LRP5: variants seen among roughly 807,000 people sequenced by gnomAD.
The protein encoded by LRP5 is LDL receptor related protein 5.
In LRP5, 62 loss-of-function variants were observed where a neutral mutation model predicts 154.1. That is an observed-to-expected ratio of 0.40 (90% CI 0.33 to 0.50). The LOEUF is 0.50. LRP5 is among the 20% of genes least tolerant of loss of function. The pLI, the probability that LRP5 is intolerant of heterozygous loss-of-function variation, is 0.55. For synonymous variants in LRP5, 966 were observed against 1,011.5 expected, an observed-to-expected ratio of 0.96 and a Z score of 0.85; for missense variants, 1,915 against 2,336.7, an observed-to-expected ratio of 0.82 and a Z score of 3.72.
chr11:68,402,780 T>A (rs546622022), intron 7 of LRP5, among the ~76,000 whole-genome samples: 2 of 152,334 alleles, frequency 1.3e-5, no homozygotes, highest in African/African-American at 4.8e-5. Context: ...CACGCCCTGG[T>A]TCTCCAGGCA....
intron 7 of LRP5, among the ~76,000 whole-genome samples, chr11:68,398,999 G>A (rs768861179): frequency 3.9e-5 from 6 of 152,102 alleles, no homozygotes; most frequent in Admixed American, 6.6e-5. Flanking sequence ...TTACAGGCTC[G>A]AGCCACGGAG....
Position 68,352,465 on chromosome 11 carries a change from A to G in LRP5, c.488+4222A>G, listed in dbSNP as rs189220970. 6.7e-4 allele frequency among the ~76,000 whole-genome samples: 102 copies of G among 152,324 alleles called. 1 individual carries two copies. Among genetic ancestry groups the G allele is most frequent in the African/African-American group, 1.9e-3 (78 of 41,574 alleles). On this transcript the variant is annotated intron_variant, in intron 2 of 22. Coordinates refer to ENST00000294304, the MANE Select transcript of LRP5 (RefSeq NM_002335.4). ...CACCAGAAGTCCAGTCTCCATGCCT[A>G]CGTGGTTTTGTCTTTTTACTTCTTT...
Position 68,312,794 on chromosome 11 carries a change from C to A in LRP5, c.80C>A (p.Ala27Asp). The A allele has an allele frequency of 9.3e-7, 1 of 1,077,434 alleles. No individual in the cohort carries two copies. Among genetic ancestry groups the A allele is most frequent in the South Asian group, 2.9e-5 (1 of 34,632 alleles). 66.7% of individuals were successfully genotyped at this position (1,077,434 alleles called of 1,614,324 possible). The change falls in exon 1 of 23, where the codon GCC becomes GAC. Residue 27 changes from alanine (A) to aspartate (D), a missense_variant. Ala to Asp is a moderately radical substitution (Grantham distance 126, BLOSUM62 -2). Coordinates refer to ENST00000294304, the MANE Select transcript of LRP5 (RefSeq NM_002335.4). Reference sequence around the variant, plus strand: ...CTGCTGGCGCTGTGCGGCTGCCCGGCCCCCGCCGCGGGTAGGTGGGCGCAG... The same window carrying A: ...CTGCTGGCGCTGTGCGGCTGCCCGGACCCCGCCGCGGGTAGGTGGGCGCAG... Reference protein sequence around the residue: ...LLLLALCGCPAPAAASPLLLF... With the variant: ...LLLLALCGCPDPAAASPLLLF...
intron 1 of LRP5, among the ~76,000 whole-genome samples, chr11:68,334,322 G>A (rs2098604485): frequency 6.6e-6 from 1 of 152,200 alleles, no homozygotes; most frequent in Non-Finnish European, 1.5e-5. Flanking sequence ...GCATCCGGAA[G>A]CAAGGTGGGG....
rs773665226 is a variant in LRP5, at chr11:68,365,651, G to A, written c.964G>A (p.Ala322Thr). 6 of 1,597,610 alleles carry A rather than the reference G, an allele frequency of 3.8e-6. No homozygotes were observed. The highest frequency in any genetic ancestry group is 1.1e-5 in the South Asian group (1 of 90,862). ...CCCAAGCGAGCCTTTCTACACATGC[G>A]CCTGCCCCACGGGTGTGCAGCTGCA... ...LSPSEPFYTC[A>T]CPTGVQLQDN... The change falls in exon 5 of 23, where the codon GCC becomes ACC. Residue 322 changes from alanine (A) to threonine (T), a missense_variant. Coordinates refer to ENST00000294304, the MANE Select transcript of LRP5 (RefSeq NM_002335.4).
At chr11:68,407,773 G>C (rs1011129094) in intron 9 of LRP5, among the ~76,000 whole-genome samples, 5 of 152,078 alleles carry the variant, frequency 3.3e-5, no homozygotes, top group Non-Finnish European at 5.9e-5. Context: ...CTTGAACCTG[G>C]GAGGCGGAGG....
intron 3 of LRP5, among the ~76,000 whole-genome samples, chr11:68,363,020 C>T (rs1486192197): frequency 6.6e-6 from 1 of 152,244 alleles, no homozygotes; most frequent in Non-Finnish European, 1.5e-5. Context: ...CCCGAGTCCT[C>T]ATTTGCTGGG....
Position 68,357,828 on chromosome 11 carries a change from A to G in LRP5, c.667A>G (p.Asn223Asp). 6.2e-7 allele frequency: 1 copy of G among 1,613,206 alleles called. No homozygotes were observed. The highest frequency in any genetic ancestry group is 8.5e-7 in the Non-Finnish European group (1 of 1,179,648). Residue 223 changes from asparagine to aspartate, a missense_variant, in exon 3 of 23, where the codon AAC becomes GAC. Around this residue, in one of 3 missense-constraint regions of LRP5, gnomAD observed 773 missense variants for 1,100.9 expected, o/e 0.70. Transcript: ENST00000294304. ...DAKLSFIHRA[N>D]LDGSFRQKVV... The stretch of plus-strand genomic sequence containing the variant: ...CAAGCTCAGCTTCATCCACCGTGCC[A>G]ACCTGGACGGCTCGTTCCGGTAGGT...
At chr11:68,345,811 C>T (rs1427328175) in intron 1 of LRP5, among the ~76,000 whole-genome samples, 3 of 152,178 alleles carry the variant, frequency 2.0e-5, no homozygotes, top group Non-Finnish European at 4.4e-5. Context: ...TCCAGTTGCT[C>T]CAGATCCTCA....
chr11:68,376,182 T>C (rs2098637241), intron 5 of LRP5, among the ~76,000 whole-genome samples: 2 of 148,152 alleles, frequency 1.3e-5, no homozygotes, highest in African/African-American at 4.9e-5. Context: ...TTTTTTTTTT[T>C]TTTTTTTTTT....
At chr11:68,346,136 CGAT>C (rs2098612725) in intron 1 of LRP5, among the ~76,000 whole-genome samples, 1 of 152,166 alleles carries the variant, frequency 6.6e-6, no homozygotes, top group Admixed American at 6.5e-5. Flanking sequence ...TTTACTCTCT[CGAT>C]AGTGTCTTTT....
chr11:68,299,146 C>T, the LRP5 span, among the ~76,000 whole-genome samples: 2 of 152,234 alleles, frequency 1.3e-5, no homozygotes, highest in African/African-American at 4.8e-5. Flanking sequence ...ACCCCTGCCT[C>T]CCCTCGGAGC....
intron 7 of LRP5, among the ~76,000 whole-genome samples, chr11:68,399,816 C>T (rs865914574): frequency 1.3e-5 from 2 of 152,208 alleles, no homozygotes; most frequent in African/African-American, 4.8e-5. Flanking sequence ...TGGGTTGGGC[C>T]GGTCAAGATG....
chr11:68,312,622 G>C lies in LRP5; in HGVS notation c.-93G>C. On this transcript the variant is annotated 5_prime_UTR_variant, in exon 1 of 23. Coordinates refer to ENST00000294304, the MANE Select transcript of LRP5 (RefSeq NM_002335.4). The stretch of plus-strand genomic sequence containing the variant: ...CTGGTCCGCGGCGCCCGAGGGGGGA[G>C]GCGGAGGCGCCGGGAGCCGCGCGAG... 2.1e-6 allele frequency: 1 copy of C among 472,380 alleles called. No individual in the cohort carries two copies. The highest frequency in any genetic ancestry group is 2.8e-6 in the Non-Finnish European group (1 of 361,586). 29.3% of individuals were successfully genotyped at this position (472,380 alleles called of 1,614,324 possible).
intron 16 of LRP5, among the ~76,000 whole-genome samples, chr11:68,427,326 G>T (rs576572505): frequency 2.0e-5 from 3 of 152,024 alleles, no homozygotes. Context: ...ACCATCTGAG[G>T]ATTACTTGAG....
chr11:68,445,712 C>A, intron 21 of LRP5: 1 of 1,265,706 alleles, frequency 7.9e-7, no homozygotes, highest in Non-Finnish European at 1.0e-6. Context: ...GGTGTGTGGG[C>A]CCAGGGCCCC....
At chr11:68,372,550 T>A (rs759804460) in intron 5 of LRP5, among the ~76,000 whole-genome samples, 17 of 145,894 alleles carry the variant, frequency 1.2e-4, no homozygotes, top group Non-Finnish European at 2.3e-4. Context: ...TTTTTTGTCA[T>A]CGTGTTGGGA....
upstream of LRP5, among the ~76,000 whole-genome samples, chr11:68,312,379 C>T (rs1488359914): frequency 1.3e-5 from 2 of 151,504 alleles, no homozygotes; most frequent in Non-Finnish European, 1.5e-5. Context: ...GCGGAAACCC[C>T]GCGCCAAGCC....
chr11:68,338,875 T>TTC, intron 1 of LRP5, among the ~76,000 whole-genome samples: 1 of 137,486 alleles, frequency 7.3e-6, no homozygotes, highest in African/African-American at 2.7e-5. Flanking sequence ...TAGTTTTTTT[T>TTC]TTTTTTTTTT....
Sources: allele counts gnomAD v4.1 joint callset (sites outside exome capture counted in the v4.1 genomes callset), GRCh38; gene constraint gnomAD v4.1.1; regional missense constraint gnomAD v4.1.1; transcripts MANE v1.5; gene names NCBI Gene and HGNC (gene_info 2026-07-23, HGNC 2026-07-21).